Variants in SLC25A26 observed in about 807,000 individuals in gnomAD.
The protein encoded by SLC25A26 is mitochondrial S-adenosylmethionine carrier protein.
SLC25A26 carries 36 observed loss-of-function variants against 37.8 expected under a neutral mutation model. The ratio of observed to expected loss-of-function variants is 0.95; its 90% CI spans 0.73 to 1.26. SLC25A26 has a LOEUF of 1.26. SLC25A26 is among the 50% of genes most tolerant of loss of function. The pLI, the probability that SLC25A26 is intolerant of heterozygous loss-of-function variation, is 0.00. For synonymous variants in SLC25A26, 129 were observed against 122.5 expected, an observed-to-expected ratio of 1.05 and a Z score of -0.35; for missense variants, 390 against 331.1, an observed-to-expected ratio of 1.18 and a Z score of -1.38.
At chr3:66,207,311 A>C (rs1377251249) in intron 1 of SLC25A26, among the ~76,000 whole-genome samples, 1 of 152,124 alleles carries the variant, frequency 6.6e-6, no homozygotes, top group Non-Finnish European at 1.5e-5. Context: ...AGTCCAGTTC[A>C]TGGGTCTTCC....
intron 5 of SLC25A26, among the ~76,000 whole-genome samples, chr3:66,343,307 A>T (rs941483760): frequency 1.3e-5 from 2 of 152,240 alleles, no homozygotes; most frequent in Non-Finnish European, 2.9e-5. Context: ...GACTTGAAGA[A>T]TATTTGAAAA....
At chr3:66,247,748 A>G (rs2072914952) in intron 3 of SLC25A26, among the ~76,000 whole-genome samples, 1 of 152,214 alleles carries the variant, frequency 6.6e-6, no homozygotes, top group Non-Finnish European at 1.5e-5. Flanking sequence ...GCCATTCAGT[A>G]TGAATTTTCT....
At position 66,141,792 on chromosome 3, in the gene SLC25A26, G is replaced by A. The variant is rs117834008; in HGVS notation, c.-354+7808G>A. ...GGCCTCCCAAAGTACTGGATTACAG[G>A]CGTGGGCCACTGCGCCGGTCTTGAA... is the stretch of plus-strand genomic sequence containing the variant. On this transcript the variant is annotated intron_variant, in intron 1 of 10. Coordinates refer to the SLC25A26 transcript ENST00000676754. Among the ~76,000 whole-genome samples, 1,460 of 152,326 alleles carry A rather than the reference G, an allele frequency of 9.6e-3. 34 individuals are homozygous for A. Among genetic ancestry groups the A allele is most frequent in the East Asian group, 0.064 (331 of 5,178 alleles).
chr3:66,377,930 G>C lies in SLC25A26; in HGVS notation c.*123G>C. ...TGAAGACCAGTTGTGCTAAGATACC[G>C]GCATGGAGATTGTGCCATCCGTGGT... On this transcript the variant is annotated 3_prime_UTR_variant, in exon 10 of 10. Coordinates refer to ENST00000354883, the MANE Select transcript of SLC25A26 (RefSeq NM_001379210.1). 2 of 741,028 alleles carry C rather than the reference G, an allele frequency of 2.7e-6. No homozygotes were observed. The highest frequency in any genetic ancestry group is 4.6e-6 in the Non-Finnish European group (2 of 437,370). The allele number at this position is 741,028 out of a possible 1,614,324, so 45.9% of individuals were successfully genotyped here. A position where few individuals can be genotyped will look rare whatever the true frequency, so the allele number is the denominator to read the frequency against.
intron 2 of SLC25A26, among the ~76,000 whole-genome samples, chr3:66,237,880 C>G (rs1226486959): frequency 5.3e-5 from 8 of 152,150 alleles, no homozygotes; most frequent in Non-Finnish European, 1.2e-4. Context: ...TTACGTTAAC[C>G]TGACATTTAA....
chr3:66,370,396 GA>G (rs1207528608), intron 8 of SLC25A26, 132 bp from the exon 9 acceptor site: 17 of 787,242 alleles, frequency 2.2e-5, no homozygotes, highest in Non-Finnish European at 3.2e-5. Flanking sequence ...TGATTGCCAA[GA>G]AACTCCCTGG....
intron 1 of SLC25A26, among the ~76,000 whole-genome samples, chr3:66,137,241 A>G (rs190523958): frequency 0.011 from 1,267 of 111,636 alleles, 13 homozygotes; most frequent in African/African-American, 0.041. Context: ...TTTTTTTGAG[A>G]TGGAGTTTTG....
At chr3:66,237,171 A>G (rs1460442988) in intron 2 of SLC25A26, among the ~76,000 whole-genome samples, 1 of 152,192 alleles carries the variant, frequency 6.6e-6, no homozygotes, top group Admixed American at 6.5e-5. Context: ...AGATAGTGTT[A>G]TAGATTCCAT....
intron 1 of SLC25A26, 126 bp downstream of exon 1, chr3:66,221,253 C>T (rs1012971360): frequency 9.2e-7 from 1 of 1,085,462 alleles, no homozygotes; most frequent in South Asian, 1.8e-5. Flanking sequence ...TACTGGCAGC[C>T]AGGTCTGAGA....
chr3:66,281,581 C>G (rs779480360), intron 5 of SLC25A26, among the ~76,000 whole-genome samples: 1 of 152,018 alleles, frequency 6.6e-6, no homozygotes, highest in Non-Finnish European at 1.5e-5. Flanking sequence ...AAAAAAATAG[C>G]CTAATTGAGT....
intron 5 of SLC25A26, among the ~76,000 whole-genome samples, chr3:66,336,828 T>A (rs1365384793): frequency 6.6e-6 from 1 of 152,160 alleles, no homozygotes; most frequent in African/African-American, 2.4e-5. Flanking sequence ...TGTATATGTG[T>A]GTGTGTGTAG....
At chr3:66,290,469 A>C (rs1336403259) in intron 5 of SLC25A26, among the ~76,000 whole-genome samples, 1 of 152,188 alleles carries the variant, frequency 6.6e-6, no homozygotes, top group African/African-American at 2.4e-5. Context: ...AACAGCTCAT[A>C]ATATTTTGAG....
intron 1 of SLC25A26, among the ~76,000 whole-genome samples, chr3:66,175,578 G>A (rs1036991463): frequency 6.6e-6 from 1 of 152,154 alleles, no homozygotes; most frequent in Non-Finnish European, 1.5e-5. Flanking sequence ...TGGGAAGTCC[G>A]AAGATCTGCA....
intron 5 of SLC25A26, among the ~76,000 whole-genome samples, chr3:66,284,583 A>C (rs2074448430): frequency 6.6e-6 from 1 of 152,024 alleles, no homozygotes; most frequent in Non-Finnish European, 1.5e-5. Context: ...TCTCAATATG[A>C]GAAAAAATAA....
intron 5 of SLC25A26, among the ~76,000 whole-genome samples, chr3:66,344,408 A>C (rs1387858302): frequency 1.3e-5 from 2 of 152,122 alleles, no homozygotes; most frequent in East Asian, 3.9e-4. Context: ...GGTTGCAGTG[A>C]GCTGAGATCG....
chr3:66,156,782 G>C (rs901469493), intron 1 of SLC25A26, among the ~76,000 whole-genome samples: 2 of 152,056 alleles, frequency 1.3e-5, no homozygotes, highest in Admixed American at 1.3e-4. Context: ...GATTGGGCTG[G>C]GGCCTGCCTA....
chr3:66,248,493 G>C (rs1049761931), intron 3 of SLC25A26, among the ~76,000 whole-genome samples: 1 of 152,132 alleles, frequency 6.6e-6, no homozygotes. Flanking sequence ...CATTCTAATG[G>C]TAGTGATTTT....
At chr3:66,311,343 G>T (rs988231392) in intron 5 of SLC25A26, among the ~76,000 whole-genome samples, 1 of 151,970 alleles carries the variant, frequency 6.6e-6, no homozygotes, top group Non-Finnish European at 1.5e-5. Flanking sequence ...GCTCCATCAG[G>T]TCATTTATGT....
intron 5 of SLC25A26, among the ~76,000 whole-genome samples, chr3:66,327,439 G>C (rs2075865533): frequency 6.6e-6 from 1 of 152,066 alleles, no homozygotes; most frequent in Non-Finnish European, 1.5e-5. Context: ...AAATGTTTAA[G>C]ATCGCTTCCC....
Sources: gnomAD v4.1 joint callset for allele counts (sites outside exome capture counted in the v4.1 genomes callset) on GRCh38, gnomAD v4.1.1 for gene constraint, MANE v1.5 for transcripts, NCBI Gene and HGNC (gene_info 2026-07-23, HGNC 2026-07-21) for gene names.